The following ASTN2 variants were observed in gnomAD, a reference collection of about 807,000 sequenced individuals.
The protein encoded by ASTN2 is astrotactin-2.
Under a neutral mutation model 139.8 loss-of-function variants are expected in ASTN2, and 54 were observed. The ratio of observed to expected loss-of-function variants is 0.39; its 90% confidence interval spans 0.31 to 0.48. ASTN2 has a LOEUF of 0.48. Ranked by LOEUF, ASTN2 falls within the 20% of genes least tolerant of loss-of-function variation. ASTN2 has a pLI of 0.95. For synonymous variants in ASTN2, 756 were observed against 719.5 expected (o/e 1.05, Z -0.81); for missense variants, 1,565 against 1,725.1 (o/e 0.91, Z 1.64).
At chr9:116,696,534 C>T (rs1195950882) in intron 16 of ASTN2, among the ~76,000 whole-genome samples, 1 of 152,148 alleles carries the variant, frequency 6.6e-6, no homozygotes, top group African/African-American at 2.4e-5. Flanking sequence ...TTTCTTCCCT[C>T]TCCATGTATT....
chr9:117,203,541 T>C (rs533445536), intron 3 of ASTN2, among the ~76,000 whole-genome samples: 1 of 152,202 alleles, frequency 6.6e-6, no homozygotes, highest in South Asian at 2.1e-4. Context: ...TTGTTGTTGT[T>C]GTTGTTGTTG....
At chr9:116,927,388 G>A (rs1210058777) in intron 10 of ASTN2, among the ~76,000 whole-genome samples, 1 of 152,154 alleles carries the variant, frequency 6.6e-6, no homozygotes. Flanking sequence ...ATCACGGGGT[G>A]TCTTGTTTTC....
chr9:116,428,314 A>C lies in ASTN2; in HGVS notation c.3783-2226T>G, dbSNP rs1847374117. On this transcript the variant is annotated intron_variant, in intron 22 of 22. Coordinates refer to ENST00000313400, the MANE Select transcript of ASTN2 (RefSeq NM_001365068.1). The stretch of plus-strand genomic sequence containing the variant: ...GCCAAGGCGGGTGGATCACAAAGTC[A>C]GAAGTTCGACAGCAGCCTGGCCAAC... Among the ~76,000 whole-genome samples the C allele has an allele frequency of 2.0e-5, 3 of 152,204 alleles. No individual in the cohort carries two copies. The South Asian group carries it at 6.2e-4, about 32-fold the overall frequency.
chr9:117,343,471 T>G (rs945651622), intron 1 of ASTN2, among the ~76,000 whole-genome samples: 2 of 152,170 alleles, frequency 1.3e-5, no homozygotes, highest in East Asian at 3.9e-4. Context: ...GTGATGTCAT[T>G]GACAATAGTA....
intron 17 of ASTN2, among the ~76,000 whole-genome samples, chr9:116,631,201 C>G (rs2131859196): frequency 6.6e-6 from 1 of 152,288 alleles, no homozygotes; most frequent in African/African-American, 2.4e-5. Flanking sequence ...AATCTCACTA[C>G]TGGGCATATA....
chr9:117,215,889 A>C (rs955197660), intron 2 of ASTN2, among the ~76,000 whole-genome samples: 1 of 152,202 alleles, frequency 6.6e-6, no homozygotes, highest in Non-Finnish European at 1.5e-5. Context: ...TGTTGTATAC[A>C]GGGTAGAGAG....
At chr9:117,222,214 A>C (rs188653923) in intron 2 of ASTN2, among the ~76,000 whole-genome samples, 2 of 152,252 alleles carry the variant, frequency 1.3e-5, no homozygotes, top group East Asian at 3.9e-4. Flanking sequence ...AGAATCCTGT[A>C]GTTTGACAGT....
At chr9:116,511,647 T>C (rs1483385958) in intron 19 of ASTN2, among the ~76,000 whole-genome samples, 1 of 152,142 alleles carries the variant, frequency 6.6e-6, no homozygotes, top group Non-Finnish European at 1.5e-5. Context: ...CTTTTTTTGG[T>C]TGGTAGGCTA....
At chr9:117,309,262 G>A (rs1025427213) in intron 1 of ASTN2, among the ~76,000 whole-genome samples, 1 of 152,156 alleles carries the variant, frequency 6.6e-6, no homozygotes, top group Non-Finnish European at 1.5e-5. Context: ...TGCCCCTTCT[G>A]CCACTGGCTG....
Position 116,699,561 on chromosome 9 carries a change from G to A in ASTN2, c.2806+26210C>T, listed in dbSNP as rs751460354. The A allele has an allele frequency of 1.2e-6, 2 of 1,614,212 alleles. No homozygotes were observed. The highest frequency in any genetic ancestry group is 4.5e-5 in the East Asian group (2 of 44,874). ...AATTCTCCATTTTCCTAAGGGTGGG[G>A]GCTATAGTGTCCTTATTCGAGAGGG... On this transcript the variant is annotated intron_variant, in intron 16 of 22. Coordinates refer to ENST00000313400, the MANE Select transcript of ASTN2 (RefSeq NM_001365068.1). The surrounding 1 kb of genome is among the most constrained non-coding windows in gnomAD (Gnocchi z 4.2).
intron 6 of ASTN2, among the ~76,000 whole-genome samples, chr9:117,013,178 T>G (rs146193943): frequency 6.6e-6 from 1 of 152,162 alleles, no homozygotes; most frequent in African/African-American, 2.4e-5. Flanking sequence ...AAGAGAGCAC[T>G]AAGTTTAAGG....
chr9:116,936,316 C>T (rs1835084257), intron 10 of ASTN2, among the ~76,000 whole-genome samples: 1 of 147,756 alleles, frequency 6.8e-6, no homozygotes, highest in East Asian at 2.1e-4. Flanking sequence ...TTCCAACCAT[C>T]ACCATAATCA....
Position 117,060,506 on chromosome 9 carries a change from A to AAGGAAGG in ASTN2, c.1277-20542_1277-20541insCCTTCCT, listed in dbSNP as rs1564406817. On this transcript the variant is annotated intron_variant, in intron 5 of 22. Transcript: ENST00000313400. ...GAAGGAATGAAAGAAAGAAAGAAAG[A>AAGGAAGG]AAGAAAGGAAGGAAGGAAGGAAGGA... Among the ~76,000 whole-genome samples the AAGGAAGG allele has an allele frequency of 1.3e-3, 107 of 82,218 alleles. 9 individuals carry two copies. Among genetic ancestry groups the AAGGAAGG allele is most frequent in the Middle Eastern group, 0.012 (2 of 172 alleles). 53.9% of individuals were successfully genotyped at this position (82,218 alleles called of 152,430 possible).
At chr9:116,862,742 G>C (rs1832914547) in intron 11 of ASTN2, among the ~76,000 whole-genome samples, 1 of 151,392 alleles carries the variant, frequency 6.6e-6, no homozygotes, top group Non-Finnish European at 1.5e-5. Context: ...TGAATGCCAG[G>C]CTGAGTTTAG....
intron 13 of ASTN2, among the ~76,000 whole-genome samples, chr9:116,776,401 G>C (rs1010378906): frequency 6.6e-6 from 1 of 152,156 alleles, no homozygotes; most frequent in African/African-American, 2.4e-5. Context: ...ATGTAAAAAA[G>C]CAAGGCTCAG....
chr9:117,198,135 T>G (rs1373535259), intron 3 of ASTN2, among the ~76,000 whole-genome samples: 3 of 151,956 alleles, frequency 2.0e-5, no homozygotes, highest in African/African-American at 7.3e-5. Context: ...TGTGCCTTGG[T>G]GGTTTGCTGT....
intron 4 of ASTN2, among the ~76,000 whole-genome samples, chr9:117,115,468 A>G (rs1057438466): frequency 6.6e-6 from 1 of 152,106 alleles, no homozygotes; most frequent in South Asian, 2.1e-4. Context: ...GGTTGCAGTA[A>G]GCCGAGATCA....
rs552292457 is a variant in ASTN2 at position 117,050,386 on chromosome 9, T to C, written c.1277-10421A>G. On this transcript the variant is annotated intron_variant, in intron 5 of 22. Coordinates refer to ENST00000313400, the MANE Select transcript of ASTN2 (RefSeq NM_001365068.1). ...GCAGGAGAATAACATTGATTGTGTATTTAGTATTTACTAGGCCTCCTGTGA... is the reference window on the plus strand; with the variant it reads ...GCAGGAGAATAACATTGATTGTGTACTTAGTATTTACTAGGCCTCCTGTGA... 3.3e-5 allele frequency among the ~76,000 whole-genome samples: 5 copies of C among 152,258 alleles called. No individual in the cohort carries two copies. The East Asian group carries it at 9.7e-4, about 30-fold the overall frequency.
chr9:117,148,785 A>G (rs1830260594), intron 3 of ASTN2, among the ~76,000 whole-genome samples: 3 of 152,200 alleles, frequency 2.0e-5, no homozygotes, highest in Admixed American at 6.5e-5. Flanking sequence ...AAATTGGAGT[A>G]AAGCAGAACA....
Sources: allele counts gnomAD v4.1 joint callset (sites outside exome capture counted in the v4.1 genomes callset), GRCh38; gene constraint gnomAD v4.1.1; non-coding constraint Gnocchi (gnomAD v3.1); transcripts MANE v1.5; gene names NCBI Gene and HGNC (gene_info 2026-07-23, HGNC 2026-07-21).